PHACTR1: variants seen among roughly 807,000 people sequenced by gnomAD.
PHACTR1 encodes the protein phosphatase and actin regulator 1, also known as RPEL repeat containing 1.
In PHACTR1, 16 loss-of-function variants were observed where a neutral mutation model predicts 69.2. That is an observed-to-expected ratio of 0.23 (90% CI 0.16 to 0.35). The LOEUF (loss-of-function observed/expected upper bound fraction) is 0.35, where lower values mean the gene tolerates loss of function less well. Among genes scored for constraint, PHACTR1 ranks in the 10% least tolerant of loss-of-function variants. The pLI is 1.00. For missense variants in PHACTR1, 510 were observed against 734.7 expected (o/e 0.69, Z 3.54); for synonymous variants, 312 against 284.5 (o/e 1.10, Z -0.97).
At chr6:12,744,246 A>G (rs1284172400) in intron 3 of PHACTR1, among the ~76,000 whole-genome samples, 1 of 152,234 alleles carries the variant, frequency 6.6e-6, no homozygotes, top group Non-Finnish European at 1.5e-5. Flanking sequence ...CGCCATTCCC[A>G]TCAAAGCCTT....
chr6:12,973,478 T>A (rs182527604), intron 4 of PHACTR1, among the ~76,000 whole-genome samples: 21 of 152,304 alleles, frequency 1.4e-4, no homozygotes, highest in Admixed American at 1.2e-3. Context: ...GACAAAGGAA[T>A]GTGGAAATGT....
intron 4 of PHACTR1, among the ~76,000 whole-genome samples, chr6:13,052,073 A>G (rs547315936): frequency 2.2e-4 from 34 of 152,318 alleles, no homozygotes; most frequent in Admixed American, 1.9e-3. Context: ...GGAATTGCCA[A>G]TGATCTGCCT....
At chr6:13,230,545 CAAAAAA>C (rs59473759) in intron 10 of PHACTR1, 98 of 93,700 alleles carry the variant, frequency 1.0e-3, no homozygotes, top group South Asian at 6.4e-3. Flanking sequence ...GACTCTGTCT[CAAAAAA>C]AAAAAAAAAA....
chr6:12,755,401 C>G (rs1274185617), intron 4 of PHACTR1, among the ~76,000 whole-genome samples: 1 of 152,130 alleles, frequency 6.6e-6, no homozygotes, highest in African/African-American at 2.4e-5. Flanking sequence ...CCCATTCAAT[C>G]TAAAAATAAC....
At chr6:13,091,532 A>G (rs1325372384) in intron 5 of PHACTR1, among the ~76,000 whole-genome samples, 1 of 152,184 alleles carries the variant, frequency 6.6e-6, no homozygotes, top group Non-Finnish European at 1.5e-5. Context: ...TTTTTCTGCC[A>G]AATGGGGGTA....
At chr6:13,176,460 A>C (rs191816735) in intron 6 of PHACTR1, among the ~76,000 whole-genome samples, 1 of 152,066 alleles carries the variant, frequency 6.6e-6, no homozygotes, top group Non-Finnish European at 1.5e-5. Flanking sequence ...CTGGGACTTG[A>C]TTTTTTATTT....
chr6:12,799,998 T>A (rs182650354), intron 4 of PHACTR1, among the ~76,000 whole-genome samples: 2 of 152,190 alleles, frequency 1.3e-5, no homozygotes, highest in Non-Finnish European at 2.9e-5. Flanking sequence ...GTGTGATAGC[T>A]TTTCATTATT....
intron 5 of PHACTR1, among the ~76,000 whole-genome samples, chr6:13,061,711 T>C (rs1807702069): frequency 6.6e-6 from 1 of 152,176 alleles, no homozygotes; most frequent in East Asian, 1.9e-4. Flanking sequence ...TTGTGCTGAC[T>C]TAATTTGCCA....
chr6:13,189,065 C>T (rs1444657171), intron 7 of PHACTR1, among the ~76,000 whole-genome samples: 1 of 152,256 alleles, frequency 6.6e-6, no homozygotes, highest in African/African-American at 2.4e-5. Context: ...CATGAATAAC[C>T]TATGCCTTCT....
At chr6:12,725,838 T>A (rs1762715954) in intron 3 of PHACTR1, among the ~76,000 whole-genome samples, 1 of 151,904 alleles carries the variant, frequency 6.6e-6, no homozygotes, top group East Asian at 1.9e-4. Flanking sequence ...ATTGAACTGA[T>A]GGGGTGAGAA....
At chr6:13,193,544 T>A (rs981387588) in intron 7 of PHACTR1, among the ~76,000 whole-genome samples, 1 of 150,030 alleles carries the variant, frequency 6.7e-6, no homozygotes, top group Admixed American at 6.6e-5. Flanking sequence ...GCGCCACTAC[T>A]CCCAGCTAAT....
chr6:13,003,541 T>C (rs1245232672), intron 4 of PHACTR1, among the ~76,000 whole-genome samples: 1 of 152,160 alleles, frequency 6.6e-6, no homozygotes, highest in East Asian at 1.9e-4. Context: ...TTTTTTTTTC[T>C]AGAGTGCATT....
At chr6:13,142,474 T>G (rs1305364144) in intron 5 of PHACTR1, among the ~76,000 whole-genome samples, 1 of 152,204 alleles carries the variant, frequency 6.6e-6, no homozygotes, top group African/African-American at 2.4e-5. Flanking sequence ...AAAAAGCCAT[T>G]GCCTAATCCA....
intron 4 of PHACTR1, among the ~76,000 whole-genome samples, chr6:12,935,678 G>T (rs1789366819): frequency 6.6e-6 from 1 of 152,044 alleles, no homozygotes; most frequent in Non-Finnish European, 1.5e-5. Flanking sequence ...TTGGGGTTTT[G>T]GGGTAGTGTG....
chr6:12,769,229 A>G (rs1486466334), intron 4 of PHACTR1, among the ~76,000 whole-genome samples: 1 of 152,200 alleles, frequency 6.6e-6, no homozygotes, highest in Non-Finnish European at 1.5e-5. Context: ...TTGTCACCAC[A>G]AAAAAATAAG....
intron 5 of PHACTR1, among the ~76,000 whole-genome samples, chr6:13,100,401 G>A (rs1814962612): frequency 6.6e-6 from 1 of 152,150 alleles, no homozygotes; most frequent in African/African-American, 2.4e-5. Flanking sequence ...TCTGCCTGTA[G>A]TAGGTATGTC....
intron 4 of PHACTR1, among the ~76,000 whole-genome samples, chr6:12,769,744 G>A (rs1581669740): frequency 6.6e-6 from 1 of 152,186 alleles, no homozygotes; most frequent in African/African-American, 2.4e-5. Context: ...GACAGACTCG[G>A]GCTGAGCAGA....
At chr6:13,206,976 T>C (rs1179664896) in intron 8 of PHACTR1, among the ~76,000 whole-genome samples, 1 of 152,104 alleles carries the variant, frequency 6.6e-6, no homozygotes, top group African/African-American at 2.4e-5. Context: ...TGACATTGAA[T>C]GAAATGACCT....
At chr6:13,025,501 C>G (rs1408268366) in intron 4 of PHACTR1, among the ~76,000 whole-genome samples, 2 of 152,130 alleles carry the variant, frequency 1.3e-5, no homozygotes, top group Admixed American at 1.3e-4. Context: ...CCCTGCTGTC[C>G]TCCATTTAGA....
Sources: allele counts gnomAD v4.1 joint callset (sites outside exome capture counted in the v4.1 genomes callset), GRCh38; gene constraint gnomAD v4.1.1; transcripts MANE v1.5; gene names NCBI Gene and HGNC (gene_info 2026-07-23, HGNC 2026-07-21).